The following AFF3 variants were observed in gnomAD, a reference collection of about 807,000 sequenced individuals.
AFF3 encodes AF4/FMR2 family member 3.
A neutral mutation model predicts 129.7 loss-of-function variants in AFF3; 32 were observed. The observed-to-expected ratio is 0.25, with a 90% CI of 0.19 to 0.33. AFF3 has a LOEUF of 0.33. Among genes scored for constraint, AFF3 ranks in the 10% least tolerant of loss-of-function variants. AFF3 has a pLI of 1.00. For synonymous variants in AFF3, 644 were observed against 635.4 expected, an observed-to-expected ratio of 1.01 and a Z score of -0.20; for missense variants, 1,373 against 1,592.0, an observed-to-expected ratio of 0.86 and a Z score of 2.34.
chr2:100,074,772 G>A (rs929798505), intron 4 of AFF3, among the ~76,000 whole-genome samples: 17 of 152,152 alleles, frequency 1.1e-4, no homozygotes, highest in Non-Finnish European at 1.2e-4. Flanking sequence ...CACCCAGTTA[G>A]AGATAATGGA....
At chr2:100,116,383 C>T (rs11694875) in intron 2 of AFF3, among the ~76,000 whole-genome samples, 88,610 of 151,828 alleles carry the variant, frequency 0.58, 27,124 homozygotes, top group African/African-American at 0.77. Context: ...GTCTACCATT[C>T]GCAAGGAGCT....
At chr2:99,649,076 A>G (rs1408734998) in intron 13 of AFF3, among the ~76,000 whole-genome samples, 1 of 152,146 alleles carries the variant, frequency 6.6e-6, no homozygotes, top group Non-Finnish European at 1.5e-5. Context: ...GATATAAAAT[A>G]CAGCCTGTGT....
At chr2:99,713,113 CAGAGTTT>C (rs1181298824) in intron 11 of AFF3, among the ~76,000 whole-genome samples, 1 of 152,076 alleles carries the variant, frequency 6.6e-6, no homozygotes, top group Non-Finnish European at 1.5e-5. Context: ...TTAATGGGCA[CAGAGTTT>C]CAGTTTGGGA....
intron 8 of AFF3, among the ~76,000 whole-genome samples, chr2:99,827,724 A>G (rs930833366): frequency 6.6e-6 from 1 of 151,986 alleles, no homozygotes; most frequent in African/African-American, 2.4e-5. Flanking sequence ...CGATGGAAAG[A>G]ATCTGTATGT....
intron 20 of AFF3, 91 bp from the exon 21 acceptor site, chr2:99,560,527 A>G: frequency 8.3e-7 from 1 of 1,204,164 alleles, no homozygotes. Flanking sequence ...AACTTCTATG[A>G]TGGTAGTTCT....
intron 13 of AFF3, among the ~76,000 whole-genome samples, chr2:99,647,265 G>A (rs1479004452): frequency 3.3e-5 from 5 of 152,156 alleles, no homozygotes; most frequent in South Asian, 2.1e-4. Flanking sequence ...GCCCATTAAC[G>A]ATAGACTGGG....
intron 11 of AFF3, among the ~76,000 whole-genome samples, chr2:99,706,681 A>G (rs1025971778): frequency 2.0e-5 from 3 of 152,246 alleles, no homozygotes; most frequent in Non-Finnish European, 4.4e-5. Flanking sequence ...AAATATTATC[A>G]GGCAGACCCA....
At chr2:100,024,443 C>CA (rs1326828619) in intron 4 of AFF3, among the ~76,000 whole-genome samples, 3 of 147,536 alleles carry the variant, frequency 2.0e-5, no homozygotes, top group Non-Finnish European at 4.5e-5. Context: ...TCTCTACTAA[C>CA]AAAAAAAATA....
chr2:99,652,854 T>C (rs17022852), intron 12 of AFF3, among the ~76,000 whole-genome samples: 15,541 of 152,178 alleles, frequency 0.1, 905 homozygotes, highest in East Asian at 0.16. Flanking sequence ...TCCATTGTCA[T>C]AGGATTACCA....
chr2:99,771,435 C>A (rs1475078987), intron 8 of AFF3, among the ~76,000 whole-genome samples: 1 of 149,826 alleles, frequency 6.7e-6, no homozygotes, highest in East Asian at 2.0e-4. Flanking sequence ...AAAACCAGAG[C>A]AATTCACACT....
chr2:99,706,733 T>G (rs910271644), intron 11 of AFF3, among the ~76,000 whole-genome samples: 1 of 152,204 alleles, frequency 6.6e-6, no homozygotes, highest in African/African-American at 2.4e-5. Context: ...ATTAGGCCGA[T>G]TTTTTGTTTT....
At chr2:99,872,301 C>G (rs1006943447) in intron 7 of AFF3, among the ~76,000 whole-genome samples, 1 of 151,288 alleles carries the variant, frequency 6.6e-6, no homozygotes, top group South Asian at 2.1e-4. Context: ...AGAACTTGAT[C>G]CATATATGTG....
intron 19 of AFF3, among the ~76,000 whole-genome samples, chr2:99,567,100 T>C (rs904591198): frequency 6.6e-6 from 1 of 151,228 alleles, no homozygotes. Flanking sequence ...CCCAAGTAGC[T>C]GGGATTACAG....
chr2:100,081,931 G>A (rs1689075323), intron 4 of AFF3, among the ~76,000 whole-genome samples: 1 of 152,188 alleles, frequency 6.6e-6, no homozygotes, highest in African/African-American at 2.4e-5. Context: ...GGCAGCCTCT[G>A]TAGAGGAATT....
intron 4 of AFF3, among the ~76,000 whole-genome samples, chr2:100,080,180 G>A (rs1159705913): frequency 6.6e-6 from 1 of 152,206 alleles, no homozygotes; most frequent in Non-Finnish European, 1.5e-5. Flanking sequence ...CAGGTCGGAT[G>A]TCAAATTCAG....
intron 7 of AFF3, among the ~76,000 whole-genome samples, chr2:99,950,649 G>C (rs1435439732): frequency 6.6e-6 from 1 of 151,978 alleles, no homozygotes; most frequent in Non-Finnish European, 1.5e-5. Context: ...TCAAAATAAG[G>C]ACAGATTTAA....
At chr2:99,632,394 A>G (rs749127196) in intron 13 of AFF3, among the ~76,000 whole-genome samples, 3 of 152,136 alleles carry the variant, frequency 2.0e-5, no homozygotes, top group African/African-American at 2.4e-5. Flanking sequence ...TTGAGAAAAT[A>G]CGATATCTCA....
Position 99,845,023 on chromosome 2 carries a change from T to C in AFF3, c.874-7499A>G, listed in dbSNP as rs1689625175. 2.6e-5 allele frequency among the ~76,000 whole-genome samples: 4 copies of C among 152,204 alleles called. 1 individual carries two copies. The South Asian group carries it at 6.2e-4, about 24-fold the overall frequency. On this transcript the variant is annotated intron_variant, in intron 7 of 24. Coordinates refer to ENST00000672756, the MANE Select transcript of AFF3 (RefSeq NM_001386135.1). ...CTTTATAAGAATAATGCCGGTTATC[T>C]ACATTACAAAGAAATGTCTTTGCTT...
intron 4 of AFF3, among the ~76,000 whole-genome samples, chr2:100,076,044 T>C (rs1036975197): frequency 6.6e-6 from 1 of 152,098 alleles, no homozygotes; most frequent in African/African-American, 2.4e-5. Flanking sequence ...CAAATTAGAA[T>C]ACAAAAATGG....
Sources: gnomAD v4.1 joint callset for allele counts (sites outside exome capture counted in the v4.1 genomes callset) on GRCh38, gnomAD v4.1.1 for gene constraint, MANE v1.5 for transcripts, NCBI Gene and HGNC (gene_info 2026-07-23, HGNC 2026-07-21) for gene names.